CDH26: variants seen among roughly 807,000 people sequenced by gnomAD.
CDH26 encodes the protein cadherin 26, also known as cadherin-like protein 26.
A neutral mutation model predicts 90.3 loss-of-function variants in CDH26; 83 were observed. The observed-to-expected ratio is 0.92, with a 90% CI of 0.77 to 1.10. The LOEUF (loss-of-function observed/expected upper bound fraction) is 1.10, where lower values mean the gene tolerates loss of function less well. CDH26 is among the 50% of genes least tolerant of loss of function. The pLI is 0.00. For missense variants in CDH26, 1,013 were observed against 1,037.6 expected (o/e 0.98, Z 0.33); for synonymous variants, 397 against 396.3 (o/e 1.00, Z -0.02).
intron 7 of CDH26, among the ~76,000 whole-genome samples, chr20:60,026,824 A>AT (rs992948127): frequency 6.6e-5 from 10 of 152,166 alleles, no homozygotes; most frequent in African/African-American, 2.4e-4. Flanking sequence ...TAAGCAGGGA[A>AT]TTTTCTGGTA....
intron 4 of CDH26, among the ~76,000 whole-genome samples, chr20:59,979,476 C>T (rs929495752): frequency 1.3e-5 from 2 of 151,730 alleles, no homozygotes; most frequent in Admixed American, 6.6e-5. Flanking sequence ...GGATTACAGG[C>T]GTGAGCCGCC....
Position 60,028,333 on chromosome 20 carries a change from T to C in CDH26, c.948-2898T>C, listed in dbSNP as rs1024910033. Among the ~76,000 whole-genome samples, 5 of 152,266 alleles carry C rather than the reference T, an allele frequency of 3.3e-5. 1 individual carries two copies. In the South Asian group the frequency reaches 1.0e-3, roughly 31 times the overall value. On this transcript the variant is annotated intron_variant, in intron 7 of 8. Coordinates refer to the CDH26 transcript ENST00000370991. Reference sequence around the variant, plus strand: ...GTAATCCTTTGAGATTGGGTTCTTTTGATCTGCCACGTTTTTAAAAGCCTG... The same window carrying C: ...GTAATCCTTTGAGATTGGGTTCTTTCGATCTGCCACGTTTTTAAAAGCCTG...
rs1601179771 is a variant in CDH26, at chr20:60,001,329, C to G, written c.2098-14C>G. 3 of 1,613,806 alleles carry G rather than the reference C, an allele frequency of 1.9e-6. No homozygotes were observed. Among genetic ancestry groups the G allele is most frequent in the Non-Finnish European group, 2.5e-6 (3 of 1,179,970 alleles). On this transcript the variant is annotated splice_polypyrimidine_tract_variant and intron_variant, in intron 14 of 17. Transcript: ENST00000348616. ...ATCCATTCTCTTTTGAGTAAATCAGCATTTTCCCTCTAGGATCTCGAGGAA... is the reference window on the plus strand; with the variant it reads ...ATCCATTCTCTTTTGAGTAAATCAGGATTTTCCCTCTAGGATCTCGAGGAA...
At chr20:60,008,538 G>T (rs2061784799) in intron 17 of CDH26, among the ~76,000 whole-genome samples, 1 of 152,202 alleles carries the variant, frequency 6.6e-6, no homozygotes, top group Non-Finnish European at 1.5e-5. Flanking sequence ...CTGAGCCTCT[G>T]ACTTGAGGTC....
At chr20:59,983,696 A>G (rs2061420894) in intron 5 of CDH26, among the ~76,000 whole-genome samples, 2 of 152,218 alleles carry the variant, frequency 1.3e-5, no homozygotes, top group Admixed American at 1.3e-4. Flanking sequence ...GCATTCACAC[A>G]TTTTTATGTA....
chr20:59,963,291 C>T (rs2061100578), intron 1 of CDH26, among the ~76,000 whole-genome samples: 1 of 137,524 alleles, frequency 7.3e-6, no homozygotes. Context: ...CACTCTGCTG[C>T]CCAGGCTGGA....
chr20:59,963,983 A>G (rs2061113087), intron 1 of CDH26, among the ~76,000 whole-genome samples: 1 of 152,206 alleles, frequency 6.6e-6, no homozygotes, highest in African/African-American at 2.4e-5. Context: ...ACTGGAAATG[A>G]CTGAAGAGGG....
At chr20:60,033,381 T>C in intron 8 of CDH26, 5 of 1,227,828 alleles carry the variant, frequency 4.1e-6, no homozygotes, top group Non-Finnish European at 5.3e-6. Flanking sequence ...CATGCATACA[T>C]GCACGTGGCA....
Position 60,021,897 on chromosome 20 carries a change from C to CACACACACACACACACATATAT in CDH26, c.948-9333_948-9332insCACACACACACACACATATATA, listed in dbSNP as rs1295572684. Among the ~76,000 whole-genome samples the CACACACACACACACACATATAT allele has an allele frequency of 3.5e-4, 28 of 79,002 alleles. 3 individuals are homozygous for CACACACACACACACACATATAT. The highest frequency in any genetic ancestry group is 6.0e-4 in the African/African-American group (15 of 25,066). The allele number at this position is 79,002 out of a possible 152,430, so 51.8% of individuals were successfully genotyped here. ...ACACACACACACACACACACACACACATATATATATATATATATATCCTGA... is the reference window on the plus strand; with the variant it reads ...ACACACACACACACACACACACACACACACACACACACACACATATATATATATATATATATATATATCCTGA... On this transcript the variant is annotated intron_variant, in intron 7 of 8. Transcript: ENST00000370991.
chr20:60,012,499 A>G (rs1217369994), intron 17 of CDH26, 28 bp from the exon 18 acceptor site: 2 of 1,602,122 alleles, frequency 1.2e-6, no homozygotes, highest in Admixed American at 3.4e-5. Flanking sequence ...CATGGCATTT[A>G]CCTTCTCTTT....
chr20:59,965,122 T>A (rs763716997), intron 1 of CDH26, among the ~76,000 whole-genome samples: 1 of 152,218 alleles, frequency 6.6e-6, no homozygotes, highest in Non-Finnish European at 1.5e-5. Flanking sequence ...AGTTTAAACA[T>A]TCTTTTCCTT....
At chr20:60,018,375 C>T (rs758145975), downstream of CDH26, among the ~76,000 whole-genome samples, 3 of 152,022 alleles carry the variant, frequency 2.0e-5, no homozygotes, top group Non-Finnish European at 4.4e-5. Context: ...TCTCTTTTTA[C>T]AGCATTTGAC....
intron 16 of CDH26, 34 bp from the exon 17 acceptor site, chr20:60,006,679 G>T: frequency 3.9e-6 from 6 of 1,543,190 alleles, no homozygotes; most frequent in Non-Finnish European, 5.4e-6. Context: ...CAAGGGCTCT[G>T]CTGTGGTATG....
rs781571028 is a variant in CDH26, at chr20:59,967,245, A to G, written c.70-1722A>G. 1.8e-3 allele frequency among the ~76,000 whole-genome samples: 280 copies of G among 152,342 alleles called. 4 individuals are homozygous for G. Among genetic ancestry groups the G allele is most frequent in the Middle Eastern group, 3.4e-3 (1 of 294 alleles). ...TTTATCTGTAACGATTTACATCTCA[A>G]CACTTCGAAGCAAATAGGGTAAAAG... On this transcript the variant is annotated intron_variant, in intron 1 of 17. Transcript: ENST00000348616.
chr20:60,026,540 T>G (rs2061999480), intron 7 of CDH26, among the ~76,000 whole-genome samples: 1 of 152,082 alleles, frequency 6.6e-6, no homozygotes, highest in African/African-American at 2.4e-5. Context: ...AGCCAAGGAA[T>G]GTGGATGGCC....
At chr20:59,969,278 T>C (rs1046475297) in intron 2 of CDH26, among the ~76,000 whole-genome samples, 1 of 152,238 alleles carries the variant, frequency 6.6e-6, no homozygotes, top group African/African-American at 2.4e-5. Flanking sequence ...TGGAGGTTTG[T>C]CCACATCATT....
chr20:60,032,557 A>G (rs1232520053), intron 8 of CDH26, among the ~76,000 whole-genome samples: 4 of 152,132 alleles, frequency 2.6e-5, no homozygotes, highest in Non-Finnish European at 4.4e-5. Context: ...ACGTATGTTT[A>G]TTGCGGCATT....
At chr20:59,994,793 G>A (rs2061571700) in intron 11 of CDH26, among the ~76,000 whole-genome samples, 1 of 152,132 alleles carries the variant, frequency 6.6e-6, no homozygotes, top group Non-Finnish European at 1.5e-5. Flanking sequence ...CAGGATTGAC[G>A]TCACTGTTTG....
intron 16 of CDH26, among the ~76,000 whole-genome samples, chr20:60,006,088 C>T (rs1416331080): frequency 6.6e-6 from 1 of 152,182 alleles, no homozygotes; most frequent in Non-Finnish European, 1.5e-5. Flanking sequence ...TTACATTTAC[C>T]GCCACTCTTG....
Sources: allele counts gnomAD v4.1 joint callset (sites outside exome capture counted in the v4.1 genomes callset), GRCh38; gene constraint gnomAD v4.1.1; transcripts MANE v1.5; gene names NCBI Gene and HGNC (gene_info 2026-07-23, HGNC 2026-07-21).